TENM3: variants seen among roughly 807,000 people sequenced by gnomAD.
The protein encoded by TENM3 is teneurin-3.
TENM3 carries 63 observed loss-of-function variants against 255.1 expected under a neutral mutation model. The ratio of observed to expected loss-of-function variants is 0.25; its 90% CI spans 0.20 to 0.30. The LOEUF (loss-of-function observed/expected upper bound fraction) is 0.30, where lower values mean the gene tolerates loss of function less well. TENM3 is among the 10% of genes least tolerant of loss of function. The pLI, the probability that TENM3 is intolerant of heterozygous loss-of-function variation, is 1.00. For synonymous variants in TENM3, 1,306 were observed against 1,322.3 expected, an observed-to-expected ratio of 0.99 and a Z score of 0.27; for missense variants, 2,929 against 3,461.1, an observed-to-expected ratio of 0.85 and a Z score of 3.86.
At chr4:182,668,621 G>A (rs1231980888) in intron 6 of TENM3, among the ~76,000 whole-genome samples, 1 of 152,146 alleles carries the variant, frequency 6.6e-6, no homozygotes, top group African/African-American at 2.4e-5. Context: ...AAGAACCACT[G>A]GTTAAATTAC....
chr4:182,175,302 T>TAAA (rs200201122), intron 1 of TENM3, among the ~76,000 whole-genome samples: 1,433 of 120,502 alleles, frequency 0.012, 14 homozygotes, highest in South Asian at 0.016. Flanking sequence ...TCTGCTTCAT[T>TAAA]AAAAAAAAAA....
At chr4:182,304,881 T>C (rs1762049067) in intron 1 of TENM3, among the ~76,000 whole-genome samples, 1 of 152,202 alleles carries the variant, frequency 6.6e-6, no homozygotes, top group Non-Finnish European at 1.5e-5. Context: ...CTTACTGATG[T>C]GCTGCACGTG....
At chr4:181,830,767 T>A in the TENM3 span, among the ~76,000 whole-genome samples, 10 of 152,212 alleles carry the variant, frequency 6.6e-5, no homozygotes, top group Non-Finnish European at 1.3e-4. Flanking sequence ...GACTGAAATC[T>A]TTAACCACTT....
chr4:182,442,735 G>A (rs866199858), intron 3 of TENM3, among the ~76,000 whole-genome samples: 12 of 151,378 alleles, frequency 7.9e-5, no homozygotes, highest in African/African-American at 2.4e-4. Flanking sequence ...GGGACTACAG[G>A]CATATGCCAG....
At chr4:182,558,607 A>G (rs924722504) in intron 3 of TENM3, among the ~76,000 whole-genome samples, 1 of 152,188 alleles carries the variant, frequency 6.6e-6, no homozygotes, top group African/African-American at 2.4e-5. Context: ...GTCATTCTTC[A>G]GTGAAGACAA....
At chr4:182,324,358 C>A in intron 2 of TENM3, 106 bp downstream of exon 2, 1 of 814,112 alleles carries the variant, frequency 1.2e-6, no homozygotes, top group Non-Finnish European at 2.1e-6. Flanking sequence ...TTTGGCGTTC[C>A]ATCTGCTGAT....
intron 24 of TENM3, among the ~76,000 whole-genome samples, chr4:182,781,056 C>T (rs1475135948): frequency 2.6e-5 from 4 of 151,624 alleles, no homozygotes; most frequent in Non-Finnish European, 4.4e-5. Flanking sequence ...ATTTCCTTCT[C>T]CTGCCTAATT....
chr4:182,591,342 C>T lies in TENM3; in HGVS notation c.512-9582C>T, dbSNP rs186613349. ...GACCCTAAAGATACTAAACCAAATT[C>T]TCACTAACCCAGTAAGTACAGTGAA... is the stretch of plus-strand genomic sequence containing the variant. On this transcript the variant is annotated intron_variant, in intron 3 of 27. Coordinates refer to ENST00000511685, the MANE Select transcript of TENM3 (RefSeq NM_001080477.4). Among the ~76,000 whole-genome samples the T allele has an allele frequency of 3.5e-3, 533 of 152,298 alleles. 2 individuals carry two copies. The highest frequency in any genetic ancestry group is 0.012 in the African/African-American group (508 of 41,566).
chr4:181,839,362 TATATATATATATATATATATATAC>T, the TENM3 span, among the ~76,000 whole-genome samples: 230 of 57,454 alleles, frequency 4.0e-3, 5 homozygotes, highest in African/African-American at 0.012. Context: ...TATATATATA[TATATATATATATATATATATATAC>T]ACCTATATAC....
intron 4 of TENM3, among the ~76,000 whole-genome samples, chr4:182,608,920 C>T (rs1258172437): frequency 6.6e-6 from 1 of 152,196 alleles, no homozygotes; most frequent in African/African-American, 2.4e-5. Context: ...CTATGGCACT[C>T]GGTGCCGCCG....
intron 3 of TENM3, among the ~76,000 whole-genome samples, chr4:182,548,495 G>C (rs1459020400): frequency 6.6e-6 from 1 of 152,066 alleles, no homozygotes; most frequent in African/African-American, 2.4e-5. Context: ...ACTCTACCTG[G>C]GGGAGGAACA....
chr4:182,417,042 C>G, intron 3 of TENM3, among the ~76,000 whole-genome samples: 1 of 152,074 alleles, frequency 6.6e-6, no homozygotes, highest in African/African-American at 2.4e-5. Flanking sequence ...GGTGCGATCT[C>G]GGCTCACTGC....
chr4:181,709,172 T>C, the TENM3 span, among the ~76,000 whole-genome samples: 1 of 152,232 alleles, frequency 6.6e-6, no homozygotes, highest in African/African-American at 2.4e-5. Context: ...AAATTATTTA[T>C]TCAAAGTTTC....
At chr4:182,502,910 CTTTTTTTTTTTTT>C (rs10671906) in intron 3 of TENM3, among the ~76,000 whole-genome samples, 5 of 77,370 alleles carry the variant, frequency 6.5e-5, no homozygotes, top group African/African-American at 1.2e-4. Flanking sequence ...TGAAGTCAGC[CTTTTTTTTTTTTT>C]TTTTTTTTTT....
At chr4:182,751,070 T>G (rs1180946245) in intron 19 of TENM3, among the ~76,000 whole-genome samples, 6 of 152,212 alleles carry the variant, frequency 3.9e-5, no homozygotes, top group Admixed American at 3.3e-4. Context: ...TTTATAAAAC[T>G]GAGGCACTAC....
the TENM3 span, among the ~76,000 whole-genome samples, chr4:181,934,081 C>CGT: frequency 1.3e-5 from 2 of 148,564 alleles, no homozygotes; most frequent in South Asian, 2.1e-4. Context: ...TGTGTGCGCG[C>CGT]GCTTTTAAAT....
At chr4:181,878,563 A>G in the TENM3 span, among the ~76,000 whole-genome samples, 1 of 152,048 alleles carries the variant, frequency 6.6e-6, no homozygotes, top group Admixed American at 6.6e-5. Context: ...AAATGCTGAG[A>G]GTTTACCTTA....
the TENM3 span, among the ~76,000 whole-genome samples, chr4:181,814,422 G>A: frequency 6.6e-6 from 1 of 152,168 alleles, no homozygotes; most frequent in Non-Finnish European, 1.5e-5. Flanking sequence ...AACTTTGTGA[G>A]CATTTTCAAT....
At chr4:181,597,228 T>A in the TENM3 span, among the ~76,000 whole-genome samples, 1 of 152,216 alleles carries the variant, frequency 6.6e-6, no homozygotes, top group South Asian at 2.1e-4. Context: ...ATTTATTTCT[T>A]TAGGAAAAAA....
Sources: allele counts gnomAD v4.1 joint callset (sites outside exome capture counted in the v4.1 genomes callset), GRCh38; gene constraint gnomAD v4.1.1; transcripts MANE v1.5; gene names NCBI Gene and HGNC (gene_info 2026-07-23, HGNC 2026-07-21).